YJEFN3: variants seen among roughly 807,000 people sequenced by gnomAD.
YJEFN3 encodes the protein yjeF N-terminal domain-containing protein 3.
YJEFN3 carries 29 observed loss-of-function variants against 31.5 expected under a neutral mutation model. The observed-to-expected ratio is 0.92, with a 90% confidence interval of 0.69 to 1.26. The LOEUF is 1.26. YJEFN3 is among the 50% of genes most tolerant of loss of function. YJEFN3 has a pLI of 0.00. For missense variants in YJEFN3, 442 were observed against 425.4 expected, an observed-to-expected ratio of 1.04 and a Z score of -0.34; for synonymous variants, 227 against 196.1, an observed-to-expected ratio of 1.16 and a Z score of -1.32.
In YJEFN3 at chr19:19,534,956, C is replaced by T. The variant is rs2061192949; in HGVS notation, c.319-78C>T. 1.5e-5 allele frequency: 20 copies of T among 1,299,588 alleles called. No individual in the cohort carries two copies. The highest frequency in any genetic ancestry group is 1.9e-5 in the Non-Finnish European group (18 of 955,528). 80.5% of individuals were successfully genotyped at this position (1,299,588 alleles called of 1,614,324 possible). A position where few individuals can be genotyped will look rare whatever the true frequency, so the allele number is the denominator to read the frequency against. On this transcript the variant is annotated intron_variant, in intron 3 of 6. Coordinates refer to ENST00000514277, the MANE Select transcript of YJEFN3 (RefSeq NM_198537.4). The surrounding 1 kb of genome is among the most constrained non-coding windows in gnomAD (Gnocchi z 4.6). Reference sequence around the variant, plus strand: ...GGCCCAAGCCCCATCCCTTCCCCTACTCCGGGCCTCAGTTTCCTCTCCAGG... The same window carrying T: ...GGCCCAAGCCCCATCCCTTCCCCTATTCCGGGCCTCAGTTTCCTCTCCAGG...
At chr19:19,532,852 G>C in intron 3 of YJEFN3, 112 bp downstream of exon 3, 1 of 1,115,968 alleles carries the variant, frequency 9.0e-7, no homozygotes, top group Non-Finnish European at 1.2e-6. Flanking sequence ...CTTTTTGCTT[G>C]GGCCTACCCC....
In YJEFN3 at chr19:19,529,199, C is replaced by T. The variant is rs538003771; in HGVS notation, c.60-165C>T. 29 of 1,447,104 alleles carry T rather than the reference C, an allele frequency of 2.0e-5. No homozygotes were observed. The Admixed American group carries it at 3.0e-4, about 15-fold the overall frequency. 89.6% of individuals were successfully genotyped at this position (1,447,104 alleles called of 1,614,324 possible). A position where few individuals can be genotyped will look rare whatever the true frequency, so the allele number is the denominator to read the frequency against. On this transcript the variant is annotated intron_variant, in intron 1 of 6. Coordinates refer to ENST00000514277, the MANE Select transcript of YJEFN3 (RefSeq NM_198537.4). The stretch of plus-strand genomic sequence containing the variant: ...ATGGCCAAGACGGGCCTGGGAATCC[C>T]GGGAATCCGAGACCCTCCTGGCATC...
At chr19:19,533,467 C>G in intron 3 of YJEFN3, 6 of 951,174 alleles carry the variant, frequency 6.3e-6, no homozygotes, top group Non-Finnish European at 7.5e-6. Flanking sequence ...CCTCCTGCCC[C>G]CTCCTCTTAC....
At chr19:19,529,033 A>G (rs1365809866) in intron 1 of YJEFN3, 42 bp downstream of exon 1, 2 of 1,548,766 alleles carry the variant, frequency 1.3e-6, no homozygotes, top group Non-Finnish European at 8.7e-7. Context: ...CATGGTTCCC[A>G]TGGGGCCAGG....
Position 19,535,566 on chromosome 19 carries a change from A to G in YJEFN3, c.581A>G (p.Asp194Gly). The change falls in exon 6 of 7, where the codon GAT becomes GGT. Residue 194 changes from aspartate (D) to glycine (G), a missense_variant. Transcript: ENST00000514277. ...AACGAAGCCTATGGGCTGGTGGTGG[A>G]TGCCGTACTGGGCCCCGGCGTGGAG... ...LINEAYGLVV[D>G]AVLGPGVEPG... The G allele has an allele frequency of 6.3e-7, 1 of 1,588,910 alleles. No individual in the cohort carries two copies. The highest frequency in any genetic ancestry group is 8.6e-7 in the Non-Finnish European group (1 of 1,166,170).
Position 19,534,787 on chromosome 19 carries a change from A to C in YJEFN3, c.319-247A>C. On this transcript the variant is annotated intron_variant, in intron 3 of 6. Transcript: ENST00000514277. The surrounding 1 kb of genome is among the most constrained non-coding windows in gnomAD (Gnocchi z 4.6). Reference sequence around the variant, plus strand: ...ACAAACCGCACTCCGGGCGACGGGCAGTGGCTGGATGCACGTTTTTCCTGC... The same window carrying C: ...ACAAACCGCACTCCGGGCGACGGGCCGTGGCTGGATGCACGTTTTTCCTGC... 2.6e-6 allele frequency: 1 copy of C among 383,064 alleles called. No homozygotes were observed. The highest frequency in any genetic ancestry group is 4.7e-6 in the Non-Finnish European group (1 of 214,886). 23.7% of individuals were successfully genotyped at this position (383,064 alleles called of 1,614,324 possible). A position where few individuals can be genotyped will look rare whatever the true frequency, so the allele number is the denominator to read the frequency against.
At chr19:19,529,548 G>A in intron 2 of YJEFN3, 35 bp downstream of exon 2, 1 of 1,602,460 alleles carries the variant, frequency 6.2e-7, no homozygotes, top group East Asian at 2.2e-5. Context: ...TGGCGCCGTG[G>A]CTGTGACTCT....
chr19:19,536,478 C>A (rs1189754819), intron 6 of YJEFN3, among the ~76,000 whole-genome samples: 1 of 151,728 alleles, frequency 6.6e-6, no homozygotes, highest in East Asian at 1.9e-4. Flanking sequence ...GTCAGGAGTT[C>A]CAGACCAGCC....
At chr19:19,531,008 C>A (rs1365918604) in intron 2 of YJEFN3, among the ~76,000 whole-genome samples, 1 of 152,200 alleles carries the variant, frequency 6.6e-6, no homozygotes, top group Non-Finnish European at 1.5e-5. Flanking sequence ...CTCCTCCCCA[C>A]CCCAGGGCCT....
At chr19:19,537,154 G>C (rs572155130) in intron 6 of YJEFN3, among the ~76,000 whole-genome samples, 165 bp from the exon 7 acceptor site, 1 of 151,788 alleles carries the variant, frequency 6.6e-6, no homozygotes, top group Non-Finnish European at 1.5e-5. Flanking sequence ...GAAAAGGCTG[G>C]GTCTGATGGG....
At chr19:19,529,659 T>A in intron 2 of YJEFN3, 146 bp downstream of exon 2, 1 of 1,100,596 alleles carries the variant, frequency 9.1e-7, no homozygotes, top group Non-Finnish European at 1.3e-6. Flanking sequence ...ACTGCCCACC[T>A]AGCAGGGCAC....
intron 4 of YJEFN3, 68 bp from the exon 5 acceptor site, chr19:19,535,269 G>T (rs2061196689): frequency 6.5e-7 from 1 of 1,545,318 alleles, no homozygotes; most frequent in Non-Finnish European, 8.9e-7. Flanking sequence ...CCCAGTGCTT[G>T]TCCCAGGCAG....
At position 19,535,347 on chromosome 19, in the gene YJEFN3, C is replaced by G; in HGVS notation, c.440C>G (p.Pro147Arg). 3.1e-6 allele frequency: 5 copies of G among 1,613,806 alleles called. No homozygotes were observed. Among genetic ancestry groups the G allele is most frequent in the Non-Finnish European group, 4.2e-6 (5 of 1,179,950 alleles). Reference protein sequence around the residue: ...ARHLRVFEYEPTIFYPTRSLD... With the variant: ...ARHLRVFEYERTIFYPTRSLD... The stretch of plus-strand genomic sequence containing the variant: ...TTCTCCCACCCCCAGGAGTATGAAC[C>G]CACCATCTTCTACCCCACACGCTCG... The change falls in exon 5 of 7, where the codon CCC becomes CGC. Residue 147 changes from proline (P) to arginine (R), a missense_variant. Pro to Arg is a moderately radical substitution (Grantham distance 103, BLOSUM62 -2). Coordinates refer to ENST00000514277, the MANE Select transcript of YJEFN3 (RefSeq NM_198537.4).
intron 2 of YJEFN3, among the ~76,000 whole-genome samples, chr19:19,531,915 T>C (rs896114376): frequency 4.6e-5 from 7 of 151,764 alleles, no homozygotes; most frequent in African/African-American, 9.7e-5. Context: ...ATTTTTTGTA[T>C]TTTTAGTAGA....
chr19:19,535,483 G>A (rs770890304), intron 5 of YJEFN3, 33 bp downstream of exon 5: 25 of 1,613,510 alleles, frequency 1.5e-5, no homozygotes, highest in Non-Finnish European at 2.0e-5. Context: ...GGGGGACATG[G>A]TGTGCAGTGG....
At chr19:19,533,511 C>T (rs1468008755) in intron 3 of YJEFN3, 3 of 807,634 alleles carry the variant, frequency 3.7e-6, no homozygotes, top group Non-Finnish European at 3.0e-6. Context: ...TCCTCCTCCC[C>T]TTCCGCCCCT....
chr19:19,531,775 G>T (rs953422051), intron 2 of YJEFN3, among the ~76,000 whole-genome samples: 5 of 118,928 alleles, frequency 4.2e-5, no homozygotes, highest in African/African-American at 6.7e-5. Flanking sequence ...TCTGTCACCC[G>T]GGCTGGAGTG....
intron 2 of YJEFN3, among the ~76,000 whole-genome samples, chr19:19,529,906 G>C (rs147480660): frequency 7.3e-4 from 111 of 152,298 alleles, no homozygotes; most frequent in African/African-American, 2.5e-3. Context: ...TGTTCCCAGA[G>C]CCCTCGGGAG....
At position 19,529,510 on chromosome 19, in the gene YJEFN3, A is replaced by G. The variant is rs201210466; in HGVS notation, c.206A>G (p.Gln69Arg). Reference sequence around the variant, plus strand: ...ATTTGGAACGCAGGGCCTGTTTGCCAGAGGTTGGTGAGTTTGGGATCTAGA... The same window carrying G: ...ATTTGGAACGCAGGGCCTGTTTGCCGGAGGTTGGTGAGTTTGGGATCTAGA... Reference protein sequence around the residue: ...EQIWNAGPVCQSTAEAAALER... With the variant: ...EQIWNAGPVCRSTAEAAALER... Residue 69 changes from glutamine (Q) to arginine (R), a missense_variant, in exon 2 of 7, where the codon CAG (glutamine) becomes CGG (arginine). Gln to Arg is a conservative substitution (Grantham distance 43). Coordinates refer to ENST00000514277, the MANE Select transcript of YJEFN3 (RefSeq NM_198537.4). 66 of 1,613,336 alleles carry G rather than the reference A, an allele frequency of 4.1e-5. No individual in the cohort carries two copies. Among genetic ancestry groups the G allele is most frequent in the Non-Finnish European group, 5.4e-5 (64 of 1,179,618 alleles).
Sources: allele counts gnomAD v4.1 joint callset (sites outside exome capture counted in the v4.1 genomes callset), GRCh38; gene constraint gnomAD v4.1.1; non-coding constraint Gnocchi (gnomAD v3.1); transcripts MANE v1.5; gene names NCBI Gene and HGNC (gene_info 2026-07-23, HGNC 2026-07-21).